Variants in NOS1AP observed in about 807,000 individuals in gnomAD.
NOS1AP encodes the protein nitric oxide synthase 1 adaptor protein, also known as carboxyl-terminal PDZ ligand of neuronal nitric oxide synthase protein.
A neutral mutation model predicts 56.2 loss-of-function variants in NOS1AP; 21 were observed. That is an observed-to-expected ratio of 0.37 (90% confidence interval 0.26 to 0.54). NOS1AP has a LOEUF of 0.54. Ranked by LOEUF, NOS1AP falls within the 20% of genes least tolerant of loss-of-function variation. The pLI, the probability that NOS1AP is intolerant of heterozygous loss-of-function variation, is 0.84. For synonymous variants in NOS1AP, 270 were observed against 274.6 expected (o/e 0.98, Z 0.17); for missense variants, 522 against 657.8 (o/e 0.79, Z 2.26).
intron 6 of NOS1AP, among the ~76,000 whole-genome samples, chr1:162,346,807 A>G (rs1450258205): frequency 6.6e-6 from 1 of 152,202 alleles, no homozygotes; most frequent in East Asian, 1.9e-4. Flanking sequence ...ACTCATTTCT[A>G]TTAAGTAGTG....
chr1:162,231,768 C>G (rs1653132895), intron 2 of NOS1AP, among the ~76,000 whole-genome samples: 1 of 152,006 alleles, frequency 6.6e-6, no homozygotes. Context: ...ATAACTGGCA[C>G]AGGATTATAG....
At chr1:162,190,841 TGTGA>T (rs1342929612) in intron 2 of NOS1AP, among the ~76,000 whole-genome samples, 3 of 152,172 alleles carry the variant, frequency 2.0e-5, no homozygotes, top group Non-Finnish European at 4.4e-5. Context: ...AGCTTCCGTA[TGTGA>T]GTGAGAACAT....
intron 4 of NOS1AP, among the ~76,000 whole-genome samples, chr1:162,323,813 C>T (rs187386794): frequency 2.3e-4 from 35 of 152,332 alleles, no homozygotes; most frequent in Admixed American, 8.5e-4. Context: ...GCTGCAACCT[C>T]GACTGAGCCT....
intron 1 of NOS1AP, among the ~76,000 whole-genome samples, chr1:162,105,021 G>GT (rs1259474629): frequency 2.0e-5 from 3 of 152,130 alleles, no homozygotes; most frequent in African/African-American, 7.2e-5. Context: ...TGCATTGATT[G>GT]TTTCTCATCT....
intron 4 of NOS1AP, among the ~76,000 whole-genome samples, chr1:162,332,308 T>C (rs1656795034): frequency 6.6e-6 from 1 of 152,194 alleles, no homozygotes; most frequent in Non-Finnish European, 1.5e-5. Context: ...CCCATCATGC[T>C]CCATCCCTTA....
At chr1:162,362,444 CAAAAA>C (rs11314295) in intron 8 of NOS1AP, among the ~76,000 whole-genome samples, 24 of 134,400 alleles carry the variant, frequency 1.8e-4, no homozygotes, top group South Asian at 4.9e-4. Context: ...GAGTGAGTCT[CAAAAA>C]AAAAAAAAAA....
intron 2 of NOS1AP, among the ~76,000 whole-genome samples, chr1:162,279,396 G>A (rs1654845642): frequency 6.6e-6 from 1 of 152,158 alleles, no homozygotes; most frequent in Non-Finnish European, 1.5e-5. Context: ...CCATGCCAGG[G>A]CCTGTTTGAC....
chr1:162,130,732 A>G (rs1238193953), intron 1 of NOS1AP, among the ~76,000 whole-genome samples: 1 of 152,238 alleles, frequency 6.6e-6, no homozygotes, highest in East Asian at 1.9e-4. Context: ...CAGGCAGATG[A>G]CACATCAGTT....
chr1:162,149,333 C>T lies in NOS1AP; in HGVS notation c.106-5072C>T, dbSNP rs61245561. Among the ~76,000 whole-genome samples, 1,151 of 129,512 alleles carry T rather than the reference C, an allele frequency of 8.9e-3. 15 individuals carry two copies. Among genetic ancestry groups the T allele is most frequent in the African/African-American group, 0.036 (1,092 of 30,680 alleles). The allele number at this position is 129,512 out of a possible 152,430, so 85.0% of individuals were successfully genotyped here. ...TCATCTACCTGCTGAGCTAACCTTC[C>T]AGTCAAGAGTGGGAGGGTCTGCCTG... On this transcript the variant is annotated intron_variant, in intron 1 of 9. Coordinates refer to ENST00000361897, the MANE Select transcript of NOS1AP (RefSeq NM_014697.3).
chr1:162,310,768 T>C (rs1204646281), intron 4 of NOS1AP, among the ~76,000 whole-genome samples: 1 of 152,184 alleles, frequency 6.6e-6, no homozygotes, highest in Non-Finnish European at 1.5e-5. Flanking sequence ...ACCTTCTACC[T>C]GTCAACCCTG....
chr1:162,229,292 G>A (rs1460121259), intron 2 of NOS1AP, among the ~76,000 whole-genome samples: 2 of 152,288 alleles, frequency 1.3e-5, no homozygotes, highest in Admixed American at 1.3e-4. Flanking sequence ...TGGTTAGTAA[G>A]ATACTGGTTA....
intron 2 of NOS1AP, among the ~76,000 whole-genome samples, chr1:162,236,328 G>A (rs1163337904): frequency 6.6e-6 from 1 of 152,104 alleles, no homozygotes; most frequent in Admixed American, 6.5e-5. Context: ...CCATTATATT[G>A]AGCCCCTATG....
chr1:162,306,338 C>A (rs1424632713), intron 4 of NOS1AP, among the ~76,000 whole-genome samples: 1 of 152,152 alleles, frequency 6.6e-6, no homozygotes, highest in Non-Finnish European at 1.5e-5. Flanking sequence ...GAGCTTGATG[C>A]CAAGCTAGGT....
intron 2 of NOS1AP, among the ~76,000 whole-genome samples, chr1:162,219,674 A>T (rs1652705350): frequency 6.6e-6 from 1 of 152,208 alleles, no homozygotes; most frequent in South Asian, 2.1e-4. Flanking sequence ...CCAGGGTTCT[A>T]GGGAGAACAG....
chr1:162,124,572 G>C (rs1470779418), intron 1 of NOS1AP, among the ~76,000 whole-genome samples: 1 of 151,666 alleles, frequency 6.6e-6, no homozygotes, highest in Non-Finnish European at 1.5e-5. Flanking sequence ...GTCCAGGCTG[G>C]AGTGCAGTGG....
intron 1 of NOS1AP, among the ~76,000 whole-genome samples, chr1:162,080,434 G>C (rs1467194093): frequency 6.6e-6 from 1 of 152,160 alleles, no homozygotes; most frequent in Non-Finnish European, 1.5e-5. Context: ...GGGGGAACTT[G>C]TTTAAATGAG....
intron 1 of NOS1AP, among the ~76,000 whole-genome samples, chr1:162,124,889 C>A (rs1224223939): frequency 6.6e-6 from 1 of 152,146 alleles, no homozygotes; most frequent in Non-Finnish European, 1.5e-5. Flanking sequence ...CTTGTCTTTG[C>A]AATTGTGAAT....
At chr1:162,303,904 C>CTTTTTTTTTTTTTTTTTTTTT (rs35658165) in intron 4 of NOS1AP, among the ~76,000 whole-genome samples, 1 of 110,724 alleles carries the variant, frequency 9.0e-6, no homozygotes, top group Non-Finnish European at 1.8e-5. Context: ...TCTGGCTTGT[C>CTTTTTTTTTTTTTTTTTTTTT]TTTTTTTTTT....
intron 2 of NOS1AP, among the ~76,000 whole-genome samples, chr1:162,251,286 G>C (rs977886268): frequency 6.6e-6 from 1 of 152,108 alleles, no homozygotes; most frequent in Non-Finnish European, 1.5e-5. Context: ...ATGTCCTGCT[G>C]TCTCTGTCAC....
Sources: allele counts gnomAD v4.1 joint callset (sites outside exome capture counted in the v4.1 genomes callset), GRCh38; gene constraint gnomAD v4.1.1; transcripts MANE v1.5; gene names NCBI Gene and HGNC (gene_info 2026-07-23, HGNC 2026-07-21).